CACNB3: variants seen among roughly 807,000 people sequenced by gnomAD.
The protein encoded by CACNB3 is voltage-dependent L-type calcium channel subunit beta-3.
In CACNB3, 36 loss-of-function variants were observed where a neutral mutation model predicts 63.7. That is an observed-to-expected ratio of 0.57 (90% CI 0.43 to 0.75). CACNB3 has a LOEUF of 0.75. CACNB3 is among the 30% of genes least tolerant of loss of function. The probability of loss-of-function intolerance (pLI) is 0.00; values close to 1 mark genes in which losing one functional copy is unlikely to be tolerated. For synonymous variants in CACNB3, 241 were observed against 250.6 expected (o/e 0.96, Z 0.36); for missense variants, 493 against 648.6 (o/e 0.76, Z 2.61).
At chr12:48,815,417 A>C, upstream of CACNB3, 5 of 645,498 alleles carry the variant, frequency 7.7e-6, no homozygotes, top group Non-Finnish European at 7.6e-6. Context: ...TAGACAGGAG[A>C]GACGGAAGTG....
intron 1 of CACNB3, chr12:48,819,499 A>G (rs2137443123): frequency 6.5e-6 from 2 of 308,440 alleles, no homozygotes; most frequent in South Asian, 5.0e-5. Context: ...GAGCTCCATT[A>G]TTCCCTTCCA....
chr12:48,826,687 T>TAGCTCTGCCCGGGCTC lies in CACNB3; in HGVS notation c.895-61_895-46dup, dbSNP rs1938152530. On this transcript the variant is annotated intron_variant, in intron 10 of 12. Coordinates refer to ENST00000301050, the MANE Select transcript of CACNB3 (RefSeq NM_000725.4). This position sits in a 1 kb window ranked among gnomAD's most constrained non-coding sequence, Gnocchi z 4.8. ...TGATGCCACAAGTGGAAGAAATGCC[T>TAGCTCTGCCCGGGCTC]AGCTCTGCCCGGGCTCAGCTCTGCC... is the stretch of plus-strand genomic sequence containing the variant. 1.4e-6 allele frequency: 2 copies of TAGCTCTGCCCGGGCTC among 1,455,942 alleles called. No homozygotes were observed. Among genetic ancestry groups the TAGCTCTGCCCGGGCTC allele is most frequent in the South Asian group, 1.1e-5 (1 of 87,114 alleles). 90.2% of individuals were successfully genotyped at this position (1,455,942 alleles called of 1,614,324 possible).
At chr12:48,824,815 G>A in intron 5 of CACNB3, 82 bp downstream of exon 5, 2 of 1,541,260 alleles carry the variant, frequency 1.3e-6, no homozygotes, top group Admixed American at 1.7e-5. Context: ...CAAGTGAACT[G>A]TGTGGGAAGG....
Position 48,826,387 on chromosome 12 carries a change from G to A in CACNB3, c.763G>A (p.Glu255Lys). 2 of 1,614,118 alleles carry A rather than the reference G, an allele frequency of 1.2e-6. No homozygotes were observed. The highest frequency in any genetic ancestry group is 8.5e-7 in the Non-Finnish European group (1 of 1,180,030). ...CATAGCGGAAGTGCAGAGTGAGATC[G>A]AGCGCATATTTGAGCTGGCCAAATC... ...SSIAEVQSEI[E>K]RIFELAKSLQ... The change falls in exon 10 of 13, where the codon GAG becomes AAG. Residue 255 changes from glutamate (E) to lysine (K), a missense_variant. Transcript: ENST00000301050. This position sits in a 1 kb window ranked among gnomAD's most constrained non-coding sequence, Gnocchi z 4.8.
chr12:48,815,743 GGT>G, upstream of CACNB3: 3 of 1,398,514 alleles, frequency 2.1e-6, no homozygotes, highest in Non-Finnish European at 9.8e-7. Flanking sequence ...CCGTGGGGGG[GGT>G]GTGGGGTCGT....
chr12:48,828,050 C>T lies in CACNB3; in HGVS notation c.*151C>T. The T allele has an allele frequency of 1.5e-6, 1 of 689,430 alleles. No individual in the cohort carries two copies. The highest frequency in any genetic ancestry group is 2.4e-6 in the Non-Finnish European group (1 of 409,298). The allele number at this position is 689,430 out of a possible 1,614,324, so 42.7% of individuals were successfully genotyped here. On this transcript the variant is annotated 3_prime_UTR_variant, in exon 13 of 13. Coordinates refer to ENST00000301050, the MANE Select transcript of CACNB3 (RefSeq NM_000725.4). ...CCCCAGCTTCAGGGCTGCCTGTGGT[C>T]CCAAGGTTCTGGGAGAAACAGGGGA... is the stretch of plus-strand genomic sequence containing the variant.
chr12:48,828,580 G>A lies in CACNB3; in HGVS notation c.*681G>A. The A allele has an allele frequency of 2.3e-6, 1 of 439,542 alleles. No homozygotes were observed. The highest frequency in any genetic ancestry group is 1.6e-5 in the South Asian group (1 of 61,518). The allele number at this position is 439,542 out of a possible 1,614,324, so 27.2% of individuals were successfully genotyped here. On this transcript the variant is annotated 3_prime_UTR_variant, in exon 13 of 13. Coordinates refer to ENST00000301050, the MANE Select transcript of CACNB3 (RefSeq NM_000725.4). ...CTTCTTAACATGTGACAGGACCAGGGACCAGGAGCATGGTGAAGCCAAGTG... is the reference window on the plus strand; with the variant it reads ...CTTCTTAACATGTGACAGGACCAGGAACCAGGAGCATGGTGAAGCCAAGTG...
chr12:48,826,356 T>C lies in CACNB3; in HGVS notation c.743-11T>C. Reference sequence around the variant, plus strand: ...GCTCCTGGTGAGCACTGCTGCTGCCTCCCTCCATAGCGGAAGTGCAGAGTG... The same window carrying C: ...GCTCCTGGTGAGCACTGCTGCTGCCCCCCTCCATAGCGGAAGTGCAGAGTG... On this transcript the variant is annotated splice_polypyrimidine_tract_variant and intron_variant, in intron 9 of 12. Coordinates refer to ENST00000301050, the MANE Select transcript of CACNB3 (RefSeq NM_000725.4). The surrounding 1 kb of genome is among the most constrained non-coding windows in gnomAD (Gnocchi z 4.8). The C allele has an allele frequency of 6.2e-7, 1 of 1,613,912 alleles. No homozygotes were observed. Among genetic ancestry groups the C allele is most frequent in the Non-Finnish European group, 8.5e-7 (1 of 1,179,880 alleles).
At position 48,828,169 on chromosome 12, in the gene CACNB3, A is replaced by C. The variant is rs945639449; in HGVS notation, c.*270A>C. ...CCCTGGCACCTTCCTCTCCTCCCAC[A>C]CAGGAAGCTGCCCCACTGGGCAGTG... On this transcript the variant is annotated 3_prime_UTR_variant, in exon 13 of 13. Transcript: ENST00000301050. 4 of 512,872 alleles carry C rather than the reference A, an allele frequency of 7.8e-6. No homozygotes were observed. Among genetic ancestry groups the C allele is most frequent in the Non-Finnish European group, 1.1e-5 (3 of 281,634 alleles). 31.8% of individuals were successfully genotyped at this position (512,872 alleles called of 1,614,324 possible).
At position 48,826,672 on chromosome 12, in the gene CACNB3, A is replaced by G; in HGVS notation, c.895-87A>G. ...ATCCTCACCTGCTACTGATGCCACA[A>G]GTGGAAGAAATGCCTAGCTCTGCCC... On this transcript the variant is annotated intron_variant, in intron 10 of 12. Transcript: ENST00000301050. The surrounding 1 kb of genome is among the most constrained non-coding windows in gnomAD (Gnocchi z 4.8). 7.0e-7 allele frequency: 1 copy of G among 1,426,188 alleles called. No homozygotes were observed. The highest frequency in any genetic ancestry group is 9.9e-7 in the Non-Finnish European group (1 of 1,012,656). The allele number at this position is 1,426,188 out of a possible 1,614,324, so 88.3% of individuals were successfully genotyped here.
chr12:48,816,560 G>C (rs746917199), upstream of CACNB3, among the ~76,000 whole-genome samples: 9 of 152,260 alleles, frequency 5.9e-5, no homozygotes, highest in Non-Finnish European at 7.3e-5. Context: ...TAGCAACCCA[G>C]AGATATGAGA....
rs1938164271 is a variant in CACNB3 at position 48,826,836 on chromosome 12, G to A, written c.972G>A (p.Lys324=). The A allele has an allele frequency of 1.9e-6, 3 of 1,614,100 alleles. No homozygotes were observed. The highest frequency in any genetic ancestry group is 2.5e-6 in the Non-Finnish European group (3 of 1,179,982). The stretch of plus-strand genomic sequence containing the variant: ...CCGTACAGATGATGGCATATGATAA[G>A]CTGGTTCAGTGCCCACCGGTGAGTG... ...HLTVQMMAYD[K]LVQCPPESFD... is the part of the protein sequence containing the mutation. Residue 324 remains lysine (K), a synonymous_variant, in exon 11 of 13, where the codon AAG becomes AAA. Coordinates refer to ENST00000301050, the MANE Select transcript of CACNB3 (RefSeq NM_000725.4). The surrounding 1 kb of genome is among the most constrained non-coding windows in gnomAD (Gnocchi z 4.8).
chr12:48,824,071 C>A, intron 3 of CACNB3, 187 bp from the exon 4 acceptor site: 1 of 668,424 alleles, frequency 1.5e-6, no homozygotes, highest in Non-Finnish European at 2.5e-6. Flanking sequence ...GCTGCAATGC[C>A]TCACTCAGAA....
At position 48,825,428 on chromosome 12, in the gene CACNB3, C is replaced by T; in HGVS notation, c.574-6C>T. The T allele has an allele frequency of 4.3e-6, 7 of 1,614,118 alleles. No homozygotes were observed. The South Asian group carries it at 5.5e-5, about 13-fold the overall frequency. ...GGCCCTTCATCAGTGCCATGCCTTC[C>T]CCCAGGTCACAGACATGATGCAGAA... On this transcript the variant is annotated splice_polypyrimidine_tract_variant and splice_region_variant and intron_variant, in intron 7 of 12. Coordinates refer to ENST00000301050, the MANE Select transcript of CACNB3 (RefSeq NM_000725.4). The surrounding 1 kb of genome is among the most constrained non-coding windows in gnomAD (Gnocchi z 4.5).
upstream of CACNB3, chr12:48,815,605 A>G: frequency 4.0e-6 from 6 of 1,517,284 alleles, no homozygotes; most frequent in Non-Finnish European, 5.3e-6. Context: ...AGGCGGGAGC[A>G]GCGTGCAGAG....
chr12:48,823,427 A>G lies in CACNB3; in HGVS notation c.129A>G (p.Glu43=). ...AGGACCGGGAGAGTGCCCGGCGTGA[A>G]GTAGAGAGCCAGGCTCAGCAGCAGC... The part of the protein sequence containing the change: ...LEEDRESARR[E]VESQAQQQLE... The change falls in exon 2 of 13, where the codon GAA becomes GAG. Residue 43 remains glutamate, a synonymous_variant. Coordinates refer to ENST00000301050, the MANE Select transcript of CACNB3 (RefSeq NM_000725.4). The surrounding 1 kb of genome is among the most constrained non-coding windows in gnomAD (Gnocchi z 4.2). 1 of 1,614,140 alleles carries G rather than the reference A, an allele frequency of 6.2e-7. No individual in the cohort carries two copies. The highest frequency in any genetic ancestry group is 1.7e-5 in the Admixed American group (1 of 60,020).
At chr12:48,824,822 A>G (rs552272497) in intron 5 of CACNB3, 89 bp downstream of exon 5, 2 of 1,537,682 alleles carry the variant, frequency 1.3e-6, no homozygotes, top group Admixed American at 3.4e-5. Context: ...ACTGTGTGGG[A>G]AGGGTTTGTG....
chr12:48,815,430 G>A, upstream of CACNB3: 3 of 743,764 alleles, frequency 4.0e-6, no homozygotes, highest in South Asian at 3.8e-5. Context: ...CGGAAGTGGA[G>A]AGAGGCTGGG....
upstream of CACNB3, chr12:48,814,511 G>A (rs1411239774): frequency 1.3e-6 from 2 of 1,529,940 alleles, no homozygotes; most frequent in African/African-American, 1.4e-5. The surrounding 1 kb of genome is among the most constrained non-coding windows in gnomAD (Gnocchi z 6.9). Flanking sequence ...CGGCCAGGAC[G>A]CTGCCCGGCT....
Sources: allele counts gnomAD v4.1 joint callset (sites outside exome capture counted in the v4.1 genomes callset), GRCh38; gene constraint gnomAD v4.1.1; non-coding constraint Gnocchi (gnomAD v3.1); transcripts MANE v1.5; gene names NCBI Gene and HGNC (gene_info 2026-07-23, HGNC 2026-07-21).